Variants in THSD7A observed in about 807,000 individuals in gnomAD.
THSD7A encodes the protein thrombospondin type-1 domain-containing protein 7A.
A neutral mutation model predicts 231.3 loss-of-function variants in THSD7A; 96 were observed. The observed-to-expected ratio is 0.41, with a 90% CI of 0.35 to 0.49. THSD7A has a LOEUF of 0.49. Ranked by LOEUF, THSD7A falls within the 20% of genes least tolerant of loss-of-function variation. The pLI is 0.05. For synonymous variants in THSD7A, 940 were observed against 743.3 expected, an observed-to-expected ratio of 1.26 and a Z score of -4.30; for missense variants, 2,290 against 2,070.2, an observed-to-expected ratio of 1.11 and a Z score of -2.06.
chr7:11,485,065 A>C (rs1786598863), intron 6 of THSD7A, among the ~76,000 whole-genome samples: 1 of 150,596 alleles, frequency 6.6e-6, no homozygotes, highest in Non-Finnish European at 1.5e-5. Context: ...TCATTTTTGT[A>C]TTTTTAGCAG....
At chr7:11,405,983 T>C (rs1044508952) in intron 22 of THSD7A, among the ~76,000 whole-genome samples, 2 of 152,198 alleles carry the variant, frequency 1.3e-5, no homozygotes, top group African/African-American at 4.8e-5. Flanking sequence ...GGTTATGTTT[T>C]GTCCTTATTT....
chr7:11,562,266 C>A (rs1790106988), intron 4 of THSD7A, among the ~76,000 whole-genome samples: 1 of 147,520 alleles, frequency 6.8e-6, no homozygotes, highest in Non-Finnish European at 1.5e-5. Flanking sequence ...TTTTCTAAAT[C>A]ATAAAAATAT....
chr7:11,755,402 C>T (rs1346065446), intron 1 of THSD7A, among the ~76,000 whole-genome samples: 1 of 152,054 alleles, frequency 6.6e-6, no homozygotes, highest in African/African-American at 2.4e-5. Flanking sequence ...CCAAGAACCC[C>T]ATTCTGAAGT....
intron 1 of THSD7A, among the ~76,000 whole-genome samples, chr7:11,725,119 T>C (rs1411734541): frequency 1.3e-5 from 2 of 151,894 alleles, no homozygotes; most frequent in African/African-American, 4.8e-5. Flanking sequence ...TAATATACAT[T>C]TACATTTGAG....
At chr7:11,439,035 C>G (rs1407224341) in intron 13 of THSD7A, among the ~76,000 whole-genome samples, 1 of 151,802 alleles carries the variant, frequency 6.6e-6, no homozygotes, top group Non-Finnish European at 1.5e-5. Context: ...ATAATAAAAA[C>G]TATTGAGCTG....
chr7:11,387,548 A>C (rs895297729), intron 23 of THSD7A, among the ~76,000 whole-genome samples: 1 of 152,172 alleles, frequency 6.6e-6, no homozygotes, highest in African/African-American at 2.4e-5. Flanking sequence ...TGATTTTTGC[A>C]CATTGATTTT....
At chr7:11,596,702 C>T (rs1472475895) in intron 2 of THSD7A, among the ~76,000 whole-genome samples, 1 of 152,176 alleles carries the variant, frequency 6.6e-6, no homozygotes, top group Non-Finnish European at 1.5e-5. Flanking sequence ...TTCGACTCTC[C>T]CATTTGGCCT....
chr7:11,684,312 A>G (rs547688466), intron 1 of THSD7A, among the ~76,000 whole-genome samples: 23 of 151,956 alleles, frequency 1.5e-4, no homozygotes, highest in African/African-American at 4.6e-4. Flanking sequence ...CATTCCTCAT[A>G]AGAAATCGAA....
intron 2 of THSD7A, among the ~76,000 whole-genome samples, chr7:11,628,795 G>A (rs547029870): frequency 6.6e-6 from 1 of 152,248 alleles, no homozygotes; most frequent in African/African-American, 2.4e-5. Context: ...TGACATAGAA[G>A]CAGTTCTCTG....
intron 1 of THSD7A, among the ~76,000 whole-genome samples, chr7:11,780,567 G>T (rs1237877536): frequency 6.6e-6 from 1 of 152,114 alleles, no homozygotes; most frequent in Non-Finnish European, 1.5e-5. Context: ...ACATGGAAAT[G>T]AATTCTCTAG....
chr7:11,403,158 CACTT>C (rs1232796312), intron 22 of THSD7A, among the ~76,000 whole-genome samples: 2 of 152,136 alleles, frequency 1.3e-5, no homozygotes, highest in Non-Finnish European at 2.9e-5. Context: ...GGTTTCTTAT[CACTT>C]ATTTATTATA....
intron 22 of THSD7A, among the ~76,000 whole-genome samples, chr7:11,405,399 A>G (rs1783549620): frequency 6.6e-6 from 1 of 152,168 alleles, no homozygotes; most frequent in Non-Finnish European, 1.5e-5. Flanking sequence ...ATATTGTGAA[A>G]GAGATGCAAT....
chr7:11,766,138 CATT>C (rs1476136590), intron 1 of THSD7A, among the ~76,000 whole-genome samples: 13 of 152,242 alleles, frequency 8.5e-5, no homozygotes, highest in African/African-American at 3.1e-4. Flanking sequence ...GACCTTCTCT[CATT>C]ATTATTGCCT....
intron 11 of THSD7A, among the ~76,000 whole-genome samples, chr7:11,458,256 C>T (rs751650409): frequency 2.6e-5 from 4 of 151,800 alleles, no homozygotes; most frequent in South Asian, 2.1e-4. Context: ...AAGAACTTGG[C>T]GAGTAAATAA....
chr7:11,751,767 A>G (rs1782508964), intron 1 of THSD7A, among the ~76,000 whole-genome samples: 1 of 151,872 alleles, frequency 6.6e-6, no homozygotes, highest in Non-Finnish European at 1.5e-5. Flanking sequence ...AAAAAAAAAA[A>G]CTTTCTGCTC....
At chr7:11,457,659 TACTGATCTTG>T (rs1344328634) in intron 11 of THSD7A, among the ~76,000 whole-genome samples, 2 of 152,096 alleles carry the variant, frequency 1.3e-5, no homozygotes, top group African/African-American at 4.8e-5. Context: ...AGGTCTAAAA[TACTGATCTTG>T]ACATTTATAG....
chr7:11,533,920 G>A (rs1052664868), intron 6 of THSD7A, among the ~76,000 whole-genome samples: 1 of 152,134 alleles, frequency 6.6e-6, no homozygotes, highest in African/African-American at 2.4e-5. Flanking sequence ...GGGCAGAAAT[G>A]GCTGAATGCT....
chr7:11,788,654 G>A (rs1418519865), intron 1 of THSD7A, among the ~76,000 whole-genome samples: 1 of 152,054 alleles, frequency 6.6e-6, no homozygotes, highest in Non-Finnish European at 1.5e-5. Context: ...ACGCTTCGGA[G>A]TGTAGCATAG....
At chr7:11,452,984 T>A (rs2128296082) in intron 11 of THSD7A, among the ~76,000 whole-genome samples, 1 of 152,122 alleles carries the variant, frequency 6.6e-6, no homozygotes, top group Non-Finnish European at 1.5e-5. Flanking sequence ...GCAAGCTCCT[T>A]CTCTTTTTCC....
Sources: allele counts gnomAD v4.1 joint callset (sites outside exome capture counted in the v4.1 genomes callset), GRCh38; gene constraint gnomAD v4.1.1; transcripts MANE v1.5; gene names NCBI Gene and HGNC (gene_info 2026-07-23, HGNC 2026-07-21).